RPS13: variants seen among roughly 807,000 people sequenced by gnomAD.
RPS13 encodes the protein small ribosomal subunit protein uS15.
RPS13 carries 1 observed loss-of-function variant against 24.6 expected under a neutral mutation model. The ratio of observed to expected loss-of-function variants is 0.04; its 90% CI spans 0.01 to 0.19. RPS13 has a LOEUF of 0.19. RPS13 is among the 10% of genes least tolerant of loss of function. RPS13 has a pLI of 1.00. For synonymous variants in RPS13, 69 were observed against 65.3 expected, an observed-to-expected ratio of 1.06 and a Z score of -0.27; for missense variants, 88 against 187.4, an observed-to-expected ratio of 0.47 and a Z score of 3.10.
chr11:17,074,739 T>C (rs939087440), intron 5 of RPS13: 2 of 676,268 alleles, frequency 3.0e-6, no homozygotes, highest in Non-Finnish European at 5.4e-6. Context: ...CCAATCATCA[T>C]AGTGAGCAAT....
intron 3 of RPS13, chr11:17,076,149 A>G: frequency 4.4e-6 from 1 of 224,796 alleles, no homozygotes; most frequent in South Asian, 4.8e-5. Context: ...GCACTTTGGG[A>G]GGCCGAGGCA....
intron 3 of RPS13, chr11:17,075,965 G>C (rs181062149): frequency 5.1e-6 from 2 of 390,618 alleles, no homozygotes; most frequent in South Asian, 2.0e-5. Context: ...AACTTTACAC[G>C]TTATTTCTTT....
rs1848036891 is a variant in RPS13, at chr11:17,077,327, C to T, written c.73-81G>A. On this transcript the variant is annotated intron_variant, in intron 2 of 5. Coordinates refer to ENST00000525634, the MANE Select transcript of RPS13 (RefSeq NM_001017.3). Reference sequence around the variant, plus strand: ...ACAGCGGTCTCTCCTTCCGCAAAACCGCGCTCCTCATACACGCAAGTTCCT... The same window carrying T: ...ACAGCGGTCTCTCCTTCCGCAAAACTGCGCTCCTCATACACGCAAGTTCCT... 60 of 1,576,210 alleles carry T rather than the reference C, an allele frequency of 3.8e-5. 1 individual carries two copies. The South Asian group carries it at 6.5e-4, about 17-fold the overall frequency.
chr11:17,077,574 C>CGGGGG, intron 1 of RPS13, 45 bp downstream of exon 1: 1 of 961,360 alleles, frequency 1.0e-6, no homozygotes, highest in Non-Finnish European at 1.6e-6. Flanking sequence ...CCCTGTCTTC[C>CGGGGG]TCCCACCCCC....
At chr11:17,074,523 A>G (rs1301763075) in intron 5 of RPS13, 57 bp from the exon 6 acceptor site, 5 of 1,267,330 alleles carry the variant, frequency 3.9e-6, no homozygotes, top group South Asian at 1.2e-5. Flanking sequence ...GTCCCTCCAC[A>G]TTCATTAACA....
At chr11:17,075,947 C>T in intron 3 of RPS13, 1 of 426,800 alleles carries the variant, frequency 2.3e-6, no homozygotes, top group Non-Finnish European at 4.5e-6. Flanking sequence ...GTCAGATATT[C>T]TTCTAAAAAC....
chr11:17,075,450 T>C lies in RPS13; in HGVS notation c.321+4A>G, dbSNP rs1401991279. On this transcript the variant is annotated splice_donor_region_variant and intron_variant, in intron 4 of 5. Transcript: ENST00000525634. Reference sequence around the variant, plus strand: ...TTAGCACCAGGTTTTATTTATTAGCTTACCTTTCTGTTCCTCTCAAGATGC... The same window carrying C: ...TTAGCACCAGGTTTTATTTATTAGCCTACCTTTCTGTTCCTCTCAAGATGC... 1.9e-6 allele frequency: 3 copies of C among 1,551,540 alleles called. No individual in the cohort carries two copies. Among genetic ancestry groups the C allele is most frequent in the Admixed American group, 4.3e-5 (2 of 46,374 alleles).
chr11:17,075,202 A>T lies in RPS13; in HGVS notation c.322-5T>A. The T allele has an allele frequency of 6.3e-7, 1 of 1,584,372 alleles. No homozygotes were observed. The highest frequency in any genetic ancestry group is 8.6e-7 in the Non-Finnish European group (1 of 1,169,266). On this transcript the variant is annotated splice_polypyrimidine_tract_variant and splice_region_variant and intron_variant, in intron 4 of 5. Transcript: ENST00000525634. ...ACGGAATTTAGCATCCTTATCCTAA[A>T]AATAAAATTTGGTGCAATTCAAGAA...
At chr11:17,077,079 G>C (rs1314490094) in intron 3 of RPS13, 89 bp downstream of exon 3, 3 of 983,920 alleles carry the variant, frequency 3.0e-6, no homozygotes, top group Middle Eastern at 2.9e-4. Context: ...CAGAGTTTTG[G>C]CTATTTTTAA....
intron 4 of RPS13, 75 bp from the exon 5 acceptor site, chr11:17,075,272 T>A: frequency 1.8e-6 from 2 of 1,135,572 alleles, no homozygotes; most frequent in Non-Finnish European, 2.6e-6. Context: ...AATAAGAGAA[T>A]GTAGAGCTAC....
At chr11:17,075,278 G>A (rs1848009199) in intron 4 of RPS13, 81 bp from the exon 5 acceptor site, 1 of 1,088,262 alleles carries the variant, frequency 9.2e-7, no homozygotes, top group Non-Finnish European at 1.3e-6. Context: ...AGAATGTAGA[G>A]CTACCATGCA....
chr11:17,074,742 T>C, intron 5 of RPS13: 1 of 676,162 alleles, frequency 1.5e-6, no homozygotes. Flanking sequence ...ATCATCATAG[T>C]GAGCAATTCA....
At chr11:17,074,880 C>G in intron 5 of RPS13, 1 of 602,810 alleles carries the variant, frequency 1.7e-6, no homozygotes, top group Non-Finnish European at 2.9e-6. Flanking sequence ...CTCTGCTTGT[C>G]TTTATTAAAG....
In RPS13 at chr11:17,077,655, A is replaced by T; in HGVS notation, c.-14T>A. On this transcript the variant is annotated 5_prime_UTR_variant, in exon 1 of 6. Coordinates refer to ENST00000525634, the MANE Select transcript of RPS13 (RefSeq NM_001017.3). Reference sequence around the variant, plus strand: ...CATGCGACCCATGATGGCGGCGATCAGGCAACGAAAGGAGAGCGAGAGTGG... The same window carrying T: ...CATGCGACCCATGATGGCGGCGATCTGGCAACGAAAGGAGAGCGAGAGTGG... 3 of 1,610,536 alleles carry T rather than the reference A, an allele frequency of 1.9e-6. No individual in the cohort carries two copies. The highest frequency in any genetic ancestry group is 1.3e-5 in the African/African-American group (1 of 74,132).
chr11:17,077,443 G>A lies in RPS13; in HGVS notation c.58C>T (p.Arg20Cys), dbSNP rs1848038036. 1 of 1,610,852 alleles carries A rather than the reference G, an allele frequency of 6.2e-7. No homozygotes were observed. The highest frequency in any genetic ancestry group is 8.5e-7 in the Non-Finnish European group (1 of 1,178,764). Residue 20 changes from arginine to cysteine, a missense_variant, in exon 2 of 6, where the codon CGC becomes TGC. Transcript: ENST00000525634. ...GCGCTACTTACAGTGGGGACGCTGC[G>A]TCGATAGGGTAAAGCCGACTGGGAC... ...GLSQSALPYR[R>C]SVPTWLKLTS...
At chr11:17,075,357 T>C in intron 4 of RPS13, 97 bp downstream of exon 4, 1 of 1,103,926 alleles carries the variant, frequency 9.1e-7, no homozygotes, top group Non-Finnish European at 1.3e-6. Flanking sequence ...GTTTGTGTAC[T>C]AAGCCTTGGA....
intron 3 of RPS13, chr11:17,076,131 T>C (rs1311252791): frequency 4.0e-6 from 1 of 248,422 alleles, no homozygotes; most frequent in African/African-American, 2.3e-5. Flanking sequence ...CTCACGCCTG[T>C]AATCCCAGCA....
chr11:17,075,139 C>A lies in RPS13; in HGVS notation c.380G>T (p.Arg127Leu), dbSNP rs1247502479. The change falls in exon 5 of 6, where the codon CGA becomes CTA. Residue 127 changes from arginine (R) to leucine (L), a missense_variant. Arg to Leu is a moderately radical substitution (Grantham distance 102). Transcript: ENST00000525634. ...LIESRIHRLARYYKTKRVLPP... is the reference protein window; with the variant it reads ...LIESRIHRLALYYKTKRVLPP... Reference sequence around the variant, plus strand: ...GAGGACTCGCTTGGTCTTATAATATCGAGCCAAACGGTGAATCCGGCTCTC... The same window carrying A: ...GAGGACTCGCTTGGTCTTATAATATAGAGCCAAACGGTGAATCCGGCTCTC... The A allele has an allele frequency of 1.9e-6, 3 of 1,611,650 alleles. No homozygotes were observed. Among genetic ancestry groups the A allele is most frequent in the African/African-American group, 2.7e-5 (2 of 74,764 alleles).
chr11:17,077,068 C>A, intron 3 of RPS13, 100 bp downstream of exon 3: 5 of 872,598 alleles, frequency 5.7e-6, no homozygotes, highest in Non-Finnish European at 7.6e-6. Flanking sequence ...GGTGGCGAGA[C>A]CAGAGTTTTG....
Sources: allele counts gnomAD v4.1 joint callset, GRCh38; gene constraint gnomAD v4.1.1; transcripts MANE v1.5; gene names NCBI Gene and HGNC (gene_info 2026-07-23, HGNC 2026-07-21).